Variants in CFAP54 observed in about 807,000 individuals in gnomAD.
CFAP54 encodes cilia- and flagella-associated protein 54.
In CFAP54, 290 loss-of-function variants were observed where a neutral mutation model predicts 370.4. The ratio of observed to expected loss-of-function variants is 0.78; its 90% CI spans 0.71 to 0.86. The LOEUF (loss-of-function observed/expected upper bound fraction) is 0.86. CFAP54 is among the 40% of genes least tolerant of loss of function. The probability of loss-of-function intolerance (pLI) is 0.00; values close to 1 mark genes in which losing one functional copy is unlikely to be tolerated. For missense variants in CFAP54, 3,399 were observed against 3,528.7 expected (o/e 0.96, Z 0.93); for synonymous variants, 1,206 against 1,236.5 (o/e 0.98, Z 0.52).
At chr12:96,645,078 G>A (rs1166638969) in intron 33 of CFAP54, 1 of 449,648 alleles carries the variant, frequency 2.2e-6, no homozygotes, top group South Asian at 1.6e-5. Context: ...TAGGCATTAG[G>A]CAAATGTCTA....
chr12:96,771,612 A>G lies in CFAP54; in HGVS notation c.8281+6394A>G, dbSNP rs528241665. Among the ~76,000 whole-genome samples the G allele has an allele frequency of 6.7e-3, 1,020 of 152,336 alleles. 9 individuals carry two copies. Among genetic ancestry groups the G allele is most frequent in the Non-Finnish European group, 0.011 (734 of 68,026 alleles). ...GCTTGCAGTGAGCCGAGATAGCGCC[A>G]CTGCACTCCGGCCTGGGCAAAAGAG... On this transcript the variant is annotated intron_variant, in intron 60 of 67. Coordinates refer to ENST00000524981, the MANE Select transcript of CFAP54 (RefSeq NM_001306084.2).
Position 96,527,652 on chromosome 12 carries a change from T to A in CFAP54, c.1357+208T>A, listed in dbSNP as rs1955398577. Among the ~76,000 whole-genome samples the A allele has an allele frequency of 2.6e-5, 4 of 151,982 alleles. 1 individual carries two copies. In the South Asian group the frequency reaches 8.3e-4, roughly 32 times the overall value. ...CGTGATCATGGCTCACATTGCAGCA[T>A]CAACTTCCTGGGCTCAAGTGATCCT... On this transcript the variant is annotated intron_variant, in intron 9 of 67. Coordinates refer to ENST00000524981, the MANE Select transcript of CFAP54 (RefSeq NM_001306084.2).
chr12:96,796,439 A>G (rs1449817161), intron 63 of CFAP54, among the ~76,000 whole-genome samples: 2 of 151,930 alleles, frequency 1.3e-5, no homozygotes, highest in Non-Finnish European at 2.9e-5. Context: ...ACCTTTTTTT[A>G]TTTGATTGTT....
chr12:96,729,497 G>A (rs1331160310), intron 50 of CFAP54, among the ~76,000 whole-genome samples: 2 of 152,226 alleles, frequency 1.3e-5, no homozygotes, highest in South Asian at 2.1e-4. Flanking sequence ...AGCCAGGTGC[G>A]GGATATAATT....
intron 60 of CFAP54, among the ~76,000 whole-genome samples, chr12:96,766,132 C>A (rs911314845): frequency 1.3e-5 from 2 of 152,130 alleles, no homozygotes; most frequent in Non-Finnish European, 2.9e-5. Context: ...CTGTAGACAG[C>A]GTCTTACTCT....
At position 96,773,904 on chromosome 12, in the gene CFAP54, A is replaced by G. The variant is rs1008928002; in HGVS notation, c.8281+8686A>G. 3.9e-5 allele frequency among the ~76,000 whole-genome samples: 6 copies of G among 152,288 alleles called. No individual in the cohort carries two copies. The East Asian group carries it at 9.6e-4, about 24-fold the overall frequency. On this transcript the variant is annotated intron_variant, in intron 60 of 67. Transcript: ENST00000524981. The stretch of plus-strand genomic sequence containing the variant: ...AATGTCTAGATCAAAGGGTGATTTC[A>G]TTTGAAAATTTGATATTTTTTGCCA...
In CFAP54 at chr12:96,534,225, A is replaced by T; in HGVS notation, c.1703A>T (p.His568Leu). The T allele has an allele frequency of 2.8e-6, 4 of 1,407,456 alleles. No individual in the cohort carries two copies. The highest frequency in any genetic ancestry group is 3.8e-6 in the Non-Finnish European group (4 of 1,045,594). 87.2% of individuals were successfully genotyped at this position (1,407,456 alleles called of 1,614,324 possible). ...ATTTATTTAAAAAAAATTGCTGTTCATGGTAAGTATTTATTTGTTTGTTCA... is the reference window on the plus strand; with the variant it reads ...ATTTATTTAAAAAAAATTGCTGTTCTTGGTAAGTATTTATTTGTTTGTTCA... ...TQIYLKKIAV[H>L]DTCLKTCGYS... Residue 568 changes from histidine to leucine, a missense_variant and splice_region_variant, in exon 11 of 68, where the codon CAT becomes CTT. Coordinates refer to ENST00000524981, the MANE Select transcript of CFAP54 (RefSeq NM_001306084.2).
intron 14 of CFAP54, among the ~76,000 whole-genome samples, chr12:96,545,994 T>A (rs1386287288): frequency 1.3e-5 from 2 of 152,220 alleles, no homozygotes; most frequent in Admixed American, 1.3e-4. Context: ...GTGATAAACA[T>A]AACTGTTTCC....
intron 26 of CFAP54, among the ~76,000 whole-genome samples, chr12:96,619,391 C>A (rs978452167): frequency 2.6e-5 from 4 of 152,096 alleles, no homozygotes; most frequent in African/African-American, 9.7e-5. Flanking sequence ...CCTGATTAGT[C>A]AAATGGCTCT....
chr12:96,742,176 A>G (rs1157738070), intron 51 of CFAP54, among the ~76,000 whole-genome samples: 3 of 152,178 alleles, frequency 2.0e-5, no homozygotes, highest in African/African-American at 2.4e-5. Flanking sequence ...CTGCAAAACT[A>G]TTTTTCAACA....
chr12:96,744,007 G>GT lies in CFAP54; in HGVS notation c.7558-6dup, dbSNP rs771532023. 5.0e-6 allele frequency: 8 copies of GT among 1,604,764 alleles called. No individual in the cohort carries two copies. The highest frequency in any genetic ancestry group is 6.8e-6 in the Non-Finnish European group (8 of 1,177,374). On this transcript the variant is annotated splice_polypyrimidine_tract_variant and intron_variant, in intron 54 of 67. Coordinates refer to ENST00000524981, the MANE Select transcript of CFAP54 (RefSeq NM_001306084.2). The stretch of plus-strand genomic sequence containing the variant: ...CAACTAATTGCTCATTACAATATTT[G>GT]TTTTTTTAATAGATGCTAGCTTTTG...
intron 35 of CFAP54, 82 bp downstream of exon 35, chr12:96,650,154 A>G (rs868781515): frequency 8.5e-7 from 1 of 1,180,466 alleles, no homozygotes; most frequent in South Asian, 1.6e-5. Context: ...CATTGTGTTT[A>G]TTTTCTTATT....
chr12:96,537,796 T>G (rs570302323), intron 12 of CFAP54, among the ~76,000 whole-genome samples: 2 of 152,026 alleles, frequency 1.3e-5, no homozygotes, highest in East Asian at 3.9e-4. Flanking sequence ...TCATTAAGAG[T>G]GATGGATCTA....
At chr12:96,611,371 C>T (rs1956356693) in intron 26 of CFAP54, among the ~76,000 whole-genome samples, 1 of 152,102 alleles carries the variant, frequency 6.6e-6, no homozygotes, top group Admixed American at 6.6e-5. Flanking sequence ...GACATCCACA[C>T]CAAAACCCCA....
At chr12:96,647,643 GC>G (rs1956811558) in intron 33 of CFAP54, among the ~76,000 whole-genome samples, 1 of 151,832 alleles carries the variant, frequency 6.6e-6, no homozygotes, top group Non-Finnish European at 1.5e-5. Context: ...ATTTTCAAGA[GC>G]CCTTTCAGAG....
intron 3 of CFAP54, among the ~76,000 whole-genome samples, chr12:96,505,280 T>G (rs1955086912): frequency 6.6e-6 from 1 of 151,792 alleles, no homozygotes; most frequent in Admixed American, 6.6e-5. Flanking sequence ...GTCAGGGTGG[T>G]CTCAAACTCC....
At chr12:96,589,624 C>T (rs1972587) in intron 23 of CFAP54, 61 bp downstream of exon 23, 211,251 of 1,032,582 alleles carry the variant, frequency 0.2, 22,661 homozygotes, top group African/African-American at 0.25. Flanking sequence ...ATGCTGGATG[C>T]GAAGCCTGGA....
intron 4 of CFAP54, among the ~76,000 whole-genome samples, chr12:96,512,594 G>C (rs1488486409): frequency 6.6e-6 from 1 of 151,918 alleles, no homozygotes; most frequent in Non-Finnish European, 1.5e-5. Context: ...TCCCGCCTCA[G>C]GCTCCCAAAG....
chr12:96,820,753 A>G (rs1261559364), intron 65 of CFAP54, among the ~76,000 whole-genome samples: 2 of 152,224 alleles, frequency 1.3e-5, no homozygotes, highest in Non-Finnish European at 2.9e-5. Flanking sequence ...GGTTTATTTT[A>G]TAAAGTGCAT....
Sources: gnomAD v4.1 joint callset for allele counts (sites outside exome capture counted in the v4.1 genomes callset) on GRCh38, gnomAD v4.1.1 for gene constraint, MANE v1.5 for transcripts, NCBI Gene and HGNC (gene_info 2026-07-23, HGNC 2026-07-21) for gene names.